Variants in PIK3C2G observed in about 807,000 individuals in gnomAD.
PIK3C2G encodes the protein phosphatidylinositol 3-kinase C2 domain-containing subunit gamma.
PIK3C2G carries 168 observed loss-of-function variants against 181.1 expected under a neutral mutation model. The ratio of observed to expected loss-of-function variants is 0.93; its 90% CI spans 0.82 to 1.05. The LOEUF (loss-of-function observed/expected upper bound fraction) is 1.05. Among genes scored for constraint, PIK3C2G ranks in the 50% least tolerant of loss-of-function variants. PIK3C2G has a pLI of 0.00. For synonymous variants in PIK3C2G, 573 were observed against 592.2 expected (o/e 0.97, Z 0.47); for missense variants, 1,869 against 1,732.8 (o/e 1.08, Z -1.40).
At chr12:18,304,797 A>G (rs1050990559) in intron 5 of PIK3C2G, among the ~76,000 whole-genome samples, 7 of 152,190 alleles carry the variant, frequency 4.6e-5, no homozygotes. Flanking sequence ...GAACGAATTG[A>G]TTACTTCCAG....
chr12:18,330,087 G>A (rs1937771200), intron 8 of PIK3C2G, among the ~76,000 whole-genome samples: 1 of 151,926 alleles, frequency 6.6e-6, no homozygotes, highest in East Asian at 1.9e-4. Context: ...CTTCAGTTAT[G>A]TGTATTGTAA....
At chr12:18,280,106 T>C (rs1949148501) in intron 1 of PIK3C2G, among the ~76,000 whole-genome samples, 1 of 152,084 alleles carries the variant, frequency 6.6e-6, no homozygotes, top group South Asian at 2.1e-4. Context: ...AGAGAATTAA[T>C]AAATCCATCA....
At chr12:18,591,528 T>C (rs995121351) in intron 29 of PIK3C2G, among the ~76,000 whole-genome samples, 1 of 151,652 alleles carries the variant, frequency 6.6e-6, no homozygotes, top group Non-Finnish European at 1.5e-5. Flanking sequence ...AAGGAAAATA[T>C]AGGAAGACAA....
At chr12:18,434,110 G>A (rs1946313859) in intron 18 of PIK3C2G, among the ~76,000 whole-genome samples, 1 of 152,164 alleles carries the variant, frequency 6.6e-6, no homozygotes, top group African/African-American at 2.4e-5. Flanking sequence ...GTCTGGTAAG[G>A]GCCCAGTCTC....
At chr12:18,712,577 A>G in the PIK3C2G span, among the ~76,000 whole-genome samples, 8 of 152,274 alleles carry the variant, frequency 5.3e-5, no homozygotes, top group Admixed American at 4.6e-4. Flanking sequence ...ACAATAATAA[A>G]TATATTTTAC....
chr12:18,556,873 A>T (rs1945040868), intron 26 of PIK3C2G, among the ~76,000 whole-genome samples: 2 of 152,150 alleles, frequency 1.3e-5, no homozygotes, highest in Admixed American at 6.6e-5. Context: ...GCCTAACTTG[A>T]TGTATAATAG....
downstream of PIK3C2G, among the ~76,000 whole-genome samples, chr12:18,651,685 G>T (rs556297633): frequency 1.3e-5 from 2 of 152,122 alleles, no homozygotes; most frequent in Non-Finnish European, 2.9e-5. Context: ...GCCTTTGAAG[G>T]CCTTTTCTCT....
chr12:18,488,546 G>A lies in PIK3C2G; in HGVS notation c.2602G>A (p.Glu868Lys). ...QFCAGKALND[E>K]FSKEQKLIKI... Reference sequence around the variant, plus strand: ...CTGTGCAGGTAAAGCCTTGAATGATGAGTTTTCCAAGGAGCAGAAACTTAT... The same window carrying A: ...CTGTGCAGGTAAAGCCTTGAATGATAAGTTTTCCAAGGAGCAGAAACTTAT... Residue 868 changes from glutamate to lysine, a missense_variant, in exon 19 of 33, where the codon GAG becomes AAG. Coordinates refer to ENST00000538779, the MANE Select transcript of PIK3C2G (RefSeq NM_001288772.2). 1 of 1,592,834 alleles carries A rather than the reference G, an allele frequency of 6.3e-7. No individual in the cohort carries two copies. Among genetic ancestry groups the A allele is most frequent in the South Asian group, 1.1e-5 (1 of 87,758 alleles).
chr12:18,668,875 A>G, the PIK3C2G span, among the ~76,000 whole-genome samples: 1 of 152,134 alleles, frequency 6.6e-6, no homozygotes, highest in Non-Finnish European at 1.5e-5. Flanking sequence ...AAAAATTCTG[A>G]TGGATCTTTT....
At chr12:18,521,700 G>A (rs751281488) in intron 24 of PIK3C2G, among the ~76,000 whole-genome samples, 6 of 152,206 alleles carry the variant, frequency 3.9e-5, no homozygotes, top group Admixed American at 6.5e-5. Flanking sequence ...TAGTTTGTTA[G>A]GTAGCTCTAT....
At chr12:18,279,471 C>T (rs1335845220) in intron 1 of PIK3C2G, among the ~76,000 whole-genome samples, 1 of 151,764 alleles carries the variant, frequency 6.6e-6, no homozygotes, top group African/African-American at 2.4e-5. Flanking sequence ...CCTGTGGCTC[C>T]ATAAAATTAA....
At chr12:18,572,934 T>G (rs534417713) in intron 29 of PIK3C2G, among the ~76,000 whole-genome samples, 1 of 152,294 alleles carries the variant, frequency 6.6e-6, no homozygotes, top group African/African-American at 2.4e-5. Context: ...ATTTCCATTT[T>G]TATGTGAGTT....
At chr12:18,577,217 A>G (rs1946274921) in intron 29 of PIK3C2G, among the ~76,000 whole-genome samples, 1 of 152,206 alleles carries the variant, frequency 6.6e-6, no homozygotes, top group Non-Finnish European at 1.5e-5. Flanking sequence ...CCAGGCATGC[A>G]CAGGCAGAGA....
At chr12:18,564,427 A>T (rs1462740916) in intron 28 of PIK3C2G, among the ~76,000 whole-genome samples, 1 of 150,920 alleles carries the variant, frequency 6.6e-6, no homozygotes, top group Non-Finnish European at 1.5e-5. Context: ...GGCATACTTG[A>T]TACATGTGGA....
chr12:18,325,612 G>T (rs1372555169), intron 8 of PIK3C2G, among the ~76,000 whole-genome samples: 3 of 151,492 alleles, frequency 2.0e-5, no homozygotes, highest in Non-Finnish European at 4.4e-5. Context: ...GGAGGCTGAG[G>T]CAGGAGAATA....
chr12:18,557,659 C>T (rs750608239), intron 26 of PIK3C2G, among the ~76,000 whole-genome samples: 1 of 151,966 alleles, frequency 6.6e-6, no homozygotes, highest in Admixed American at 6.6e-5. Flanking sequence ...ACAAAAACAG[C>T]CACTACCATT....
the PIK3C2G span, among the ~76,000 whole-genome samples, chr12:18,686,338 G>T: frequency 1.3e-5 from 2 of 151,958 alleles, no homozygotes; most frequent in Non-Finnish European, 2.9e-5. Flanking sequence ...CTAGAAAAAA[G>T]AAAGTTCCTG....
chr12:18,299,169 C>T (rs1345060237), intron 5 of PIK3C2G, among the ~76,000 whole-genome samples: 1 of 151,860 alleles, frequency 6.6e-6, no homozygotes, highest in African/African-American at 2.4e-5. Context: ...TTCTGATACA[C>T]GAGCATGGGA....
rs34243563 is a variant in PIK3C2G at position 18,642,816 on chromosome 12, G to GTGTGTGTGTGTGTGTC, written c.4308+2269_4308+2270insGTGTGTGTCTGTGTGT. Among the ~76,000 whole-genome samples the GTGTGTGTGTGTGTGTC allele has an allele frequency of 3.4e-3, 505 of 148,956 alleles. 1 individual carries two copies. Among genetic ancestry groups the GTGTGTGTGTGTGTGTC allele is most frequent in the African/African-American group, 0.012 (484 of 38,928 alleles). The stretch of plus-strand genomic sequence containing the variant: ...TGTGTGTGTGTGTGTGTGTGTGTGT[G>GTGTGTGTGTGTGTGTC]TGTGTGTATAAAATGTAAATACATG... On this transcript the variant is annotated intron_variant, in intron 32 of 32. Transcript: ENST00000538779.
Sources: gnomAD v4.1 joint callset for allele counts (sites outside exome capture counted in the v4.1 genomes callset) on GRCh38, gnomAD v4.1.1 for gene constraint, MANE v1.5 for transcripts, NCBI Gene and HGNC (gene_info 2026-07-23, HGNC 2026-07-21) for gene names.